Variants in MKX observed in about 807,000 individuals in gnomAD.
MKX encodes the protein mohawk homeobox.
A neutral mutation model predicts 36.0 loss-of-function variants in MKX; 13 were observed. That is an observed-to-expected ratio of 0.36 (90% CI 0.24 to 0.57). The LOEUF is 0.57. Ranked by LOEUF, MKX falls within the 20% of genes least tolerant of loss-of-function variation. The pLI is 0.79. For missense variants in MKX, 458 were observed against 456.4 expected (o/e 1.00, Z -0.03); for synonymous variants, 176 against 178.3 (o/e 0.99, Z 0.10).
At chr10:27,735,100 C>A in intron 4 of MKX, 121 bp downstream of exon 4, 5 of 887,942 alleles carry the variant, frequency 5.6e-6, no homozygotes, top group Non-Finnish European at 8.1e-6. Flanking sequence ...TTACTTCATG[C>A]AATAAAAAAG....
intron 5 of MKX, among the ~76,000 whole-genome samples, chr10:27,721,953 C>T (rs560318310): frequency 2.5e-4 from 38 of 152,022 alleles, no homozygotes; most frequent in Non-Finnish European, 4.7e-4. Context: ...GGACAATTGG[C>T]TGTTCATTTG....
intron 5 of MKX, among the ~76,000 whole-genome samples, chr10:27,684,105 C>T (rs988360105): frequency 1.3e-5 from 2 of 151,800 alleles, no homozygotes; most frequent in African/African-American, 4.8e-5. Context: ...CTTGAGCCCA[C>T]GAGTTTGAGA....
rs1252366337 is a variant in MKX, at chr10:27,674,133, T to C, written c.*1096A>G. The stretch of plus-strand genomic sequence containing the variant: ...GTTTTCTTTCAATGCATGATTTCAC[T>C]TCATTTTTACTTTAATGTCCAACTT... On this transcript the variant is annotated 3_prime_UTR_variant, in exon 7 of 7. Transcript: ENST00000419761. 7 of 152,212 alleles carry C rather than the reference T, an allele frequency of 4.6e-5. No individual in the cohort carries two copies. The highest frequency in any genetic ancestry group is 8.8e-5 in the Non-Finnish European group (6 of 68,018). The allele number at this position is 152,212 out of a possible 1,614,324, so 9.4% of individuals were successfully genotyped here.
chr10:27,737,330 A>G (rs1354728467), intron 3 of MKX, among the ~76,000 whole-genome samples: 3 of 152,154 alleles, frequency 2.0e-5, no homozygotes, highest in African/African-American at 7.2e-5. Flanking sequence ...AAGTATCATC[A>G]AATTCAAGAA....
chr10:27,701,679 G>T (rs998008689), intron 5 of MKX, among the ~76,000 whole-genome samples: 2 of 138,792 alleles, frequency 1.4e-5, no homozygotes, highest in African/African-American at 2.7e-5. Flanking sequence ...ATTTTATATT[G>T]TATAAATATA....
At chr10:27,686,250 A>AT (rs935863451) in intron 5 of MKX, among the ~76,000 whole-genome samples, 1 of 151,982 alleles carries the variant, frequency 6.6e-6, no homozygotes, top group African/African-American at 2.4e-5. Flanking sequence ...TGGACCTAGT[A>AT]TTTTTTTTCT....
Position 27,744,097 on chromosome 10 carries a change from G to A in MKX, c.-82-600C>T, listed in dbSNP as rs1304523853. ...ACCCCCGCATCTTCTGTCCGCCAAGGTCCCCCGGGGTGAGGTTGGGTTCAA... is the reference window on the plus strand; with the variant it reads ...ACCCCCGCATCTTCTGTCCGCCAAGATCCCCCGGGGTGAGGTTGGGTTCAA... On this transcript the variant is annotated intron_variant, in intron 1 of 6. Coordinates refer to ENST00000419761, the MANE Select transcript of MKX (RefSeq NM_173576.3). The surrounding 1 kb of genome is among the most constrained non-coding windows in gnomAD (Gnocchi z 5.6). Among the ~76,000 whole-genome samples, 1 of 152,100 alleles carries A rather than the reference G, an allele frequency of 6.6e-6. No homozygotes were observed. Among genetic ancestry groups the A allele is most frequent in the Non-Finnish European group, 1.5e-5 (1 of 68,010 alleles).
intron 3 of MKX, among the ~76,000 whole-genome samples, chr10:27,739,188 C>T (rs971588732): frequency 5.9e-5 from 9 of 152,014 alleles, no homozygotes; most frequent in Non-Finnish European, 1.3e-4. Flanking sequence ...TTATACTATT[C>T]CACAATAAAG....
chr10:27,706,545 CTG>C (rs60800576), intron 5 of MKX, among the ~76,000 whole-genome samples: 5,191 of 144,906 alleles, frequency 0.036, 133 homozygotes, highest in African/African-American at 0.081. Context: ...TCGTTAATTC[CTG>C]TGTGTGTGTG....
At chr10:27,711,541 T>TCCTTCC (rs1415579681) in intron 5 of MKX, among the ~76,000 whole-genome samples, 1 of 138,784 alleles carries the variant, frequency 7.2e-6, no homozygotes, top group East Asian at 2.1e-4. Context: ...CTTCCTTCCT[T>TCCTTCC]TTTCTTTCTT....
intron 5 of MKX, among the ~76,000 whole-genome samples, chr10:27,723,239 C>T (rs1410341144): frequency 6.6e-5 from 10 of 152,070 alleles, no homozygotes. Context: ...CTAGAGTCCC[C>T]ATGGGTTGCT....
At chr10:27,711,639 A>G (rs1172174150) in intron 5 of MKX, among the ~76,000 whole-genome samples, 1 of 149,310 alleles carries the variant, frequency 6.7e-6, no homozygotes, top group Non-Finnish European at 1.5e-5. Flanking sequence ...TCGCACAGTC[A>G]TAGCTTACTG....
intron 5 of MKX, among the ~76,000 whole-genome samples, chr10:27,705,916 T>A (rs558093677): frequency 6.6e-6 from 1 of 152,338 alleles, no homozygotes; most frequent in East Asian, 1.9e-4. Flanking sequence ...TTTTTAACTG[T>A]GCAGTTCTGT....
chr10:27,689,308 A>T (rs987845557), intron 5 of MKX, among the ~76,000 whole-genome samples: 1 of 151,030 alleles, frequency 6.6e-6, no homozygotes, highest in South Asian at 2.1e-4. Flanking sequence ...ACTAGAAAAA[A>T]CCCCCACATT....
chr10:27,743,519 C>G (rs1834969789), intron 1 of MKX, 22 bp from the exon 2 acceptor site: 1 of 1,236,488 alleles, frequency 8.1e-7, no homozygotes, highest in Non-Finnish European at 1.1e-6. Context: ...AGGTGCATCT[C>G]GTTACTTACT....
intron 5 of MKX, among the ~76,000 whole-genome samples, chr10:27,702,940 C>T (rs1162798419): frequency 6.6e-6 from 1 of 152,142 alleles, no homozygotes; most frequent in Non-Finnish European, 1.5e-5. Context: ...GGTACATAAA[C>T]ATTTTTTATT....
chr10:27,734,667 A>C lies in MKX; in HGVS notation c.627T>G (p.Ser209Arg). 6.2e-7 allele frequency: 1 copy of C among 1,614,130 alleles called. No homozygotes were observed. Among genetic ancestry groups the C allele is most frequent in the Non-Finnish European group, 8.5e-7 (1 of 1,180,026 alleles). The change falls in exon 5 of 7, where the codon AGT (serine) becomes AGG (arginine). Residue 209 changes from serine (S) to arginine (R), a missense_variant. Physicochemically the swap from Ser to Arg is moderately radical, Grantham distance 110. Coordinates refer to ENST00000419761, the MANE Select transcript of MKX (RefSeq NM_173576.3). The part of the protein sequence containing the change: ...KAGVRPESRA[S>R]EDYVAPPKYK... ...ATTTGGGGGGTGCCACGTAGTCCTC[A>C]CTGGCCCGTGACTCTGGCCTCACTC...
At chr10:27,722,252 C>G (rs1252976031) in intron 5 of MKX, among the ~76,000 whole-genome samples, 1 of 152,198 alleles carries the variant, frequency 6.6e-6, no homozygotes, top group Non-Finnish European at 1.5e-5. Flanking sequence ...TGGGCAGAGT[C>G]CTTTACCTGT....
At chr10:27,714,128 G>A (rs1035852830) in intron 5 of MKX, among the ~76,000 whole-genome samples, 1 of 151,946 alleles carries the variant, frequency 6.6e-6, no homozygotes, top group African/African-American at 2.4e-5. Flanking sequence ...GGGAGGAACA[G>A]CTCCAAAAAG....
Sources: gnomAD v4.1 joint callset for allele counts (sites outside exome capture counted in the v4.1 genomes callset) on GRCh38, gnomAD v4.1.1 for gene constraint, Gnocchi (gnomAD v3.1) non-coding constraint, MANE v1.5 for transcripts, NCBI Gene and HGNC (gene_info 2026-07-23, HGNC 2026-07-21) for gene names.